The following ASIP variants were observed in gnomAD, a reference collection of about 807,000 sequenced individuals.
ASIP encodes the protein agouti signaling protein.
ASIP carries 11 observed loss-of-function variants against 10.3 expected under a neutral mutation model. That is an observed-to-expected ratio of 1.07 (90% CI 0.68 to 1.78). The LOEUF (loss-of-function observed/expected upper bound fraction) is 1.78. Ranked by LOEUF, ASIP falls within the 40% of genes most tolerant of loss-of-function variation. ASIP has a pLI of 0.00. For synonymous variants in ASIP, 70 were observed against 70.8 expected, an observed-to-expected ratio of 0.99 and a Z score of 0.06; for missense variants, 180 against 169.2, an observed-to-expected ratio of 1.06 and a Z score of -0.35.
At chr20:34,227,986 A>T (rs2035104500) in intron 1 of ASIP, among the ~76,000 whole-genome samples, 1 of 152,256 alleles carries the variant, frequency 6.6e-6, no homozygotes, top group African/African-American at 2.4e-5. Context: ...CCCACAAGGT[A>T]CAAAATATAA....
At chr20:34,258,873 C>CTATATATATAGTATTATATATATAGTGTA (rs1568769165) in intron 1 of ASIP, among the ~76,000 whole-genome samples, 7 of 99,700 alleles carry the variant, frequency 7.0e-5, no homozygotes, top group African/African-American at 3.9e-4. Context: ...ATATATAATA[C>CTATATATATAGTATTATATATATAGTGTA]TATATATATA....
intron 1 of ASIP, among the ~76,000 whole-genome samples, chr20:34,217,280 G>A (rs1300829736): frequency 6.6e-6 from 1 of 151,706 alleles, no homozygotes; most frequent in Non-Finnish European, 1.5e-5. Flanking sequence ...TCTACAAAAA[G>A]TACAAAAATT....
chr20:34,264,389 C>T (rs1423578256), intron 3 of ASIP, among the ~76,000 whole-genome samples: 1 of 152,146 alleles, frequency 6.6e-6, no homozygotes, highest in Non-Finnish European at 1.5e-5. Context: ...AGGAGTCTCA[C>T]CAGGAAATCA....
chr20:34,204,872 G>A (rs1231402800), intron 1 of ASIP, among the ~76,000 whole-genome samples: 2 of 151,934 alleles, frequency 1.3e-5, no homozygotes, highest in Non-Finnish European at 2.9e-5. Flanking sequence ...AATTTATGTG[G>A]TACATGTGAT....
At chr20:34,210,631 G>A (rs770414198) in intron 1 of ASIP, among the ~76,000 whole-genome samples, 4 of 152,172 alleles carry the variant, frequency 2.6e-5, no homozygotes, top group Admixed American at 1.3e-4. Flanking sequence ...TAAGACCAGC[G>A]GGCCTGAGCA....
intron 1 of ASIP, chr20:34,214,160 A>C: frequency 8.4e-7 from 1 of 1,196,660 alleles, no homozygotes; most frequent in Non-Finnish European, 1.3e-6. Flanking sequence ...CTTGTATTCT[A>C]TTCAAAATAT....
At chr20:34,264,645 C>T (rs1015517927) in intron 3 of ASIP, among the ~76,000 whole-genome samples, 2 of 152,074 alleles carry the variant, frequency 1.3e-5, no homozygotes, top group African/African-American at 4.8e-5. Flanking sequence ...GACAATACAT[C>T]TTGTAAACAG....
rs1568756757 is a variant in ASIP, at chr20:34,235,962, A to AGGGAGGGAGGGAAGAAGGAAGG, written c.-10-24403_-10-24402insGGGAGGGAGGGAAGAAGGAAGG. On this transcript the variant is annotated intron_variant, in intron 1 of 3. Transcript: ENST00000568305. Reference sequence around the variant, plus strand: ...GGAGGGAAGAAGGAAGGAAGGAAGGAAGGAGGGAGGGAGGGAAGAAGGAAA... The same window carrying AGGGAGGGAGGGAAGAAGGAAGG: ...GGAGGGAAGAAGGAAGGAAGGAAGGAGGGAGGGAGGGAAGAAGGAAGGAGGAGGGAGGGAGGGAAGAAGGAAA... 3.3e-4 allele frequency among the ~76,000 whole-genome samples: 28 copies of AGGGAGGGAGGGAAGAAGGAAGG among 83,852 alleles called. 3 individuals are homozygous for AGGGAGGGAGGGAAGAAGGAAGG. The African/African-American group carries it at 4.4e-3, about 13-fold the overall frequency. The allele number at this position is 83,852 out of a possible 152,430, so 55.0% of individuals were successfully genotyped here.
At chr20:34,250,030 C>A (rs2035447598) in intron 1 of ASIP, 1 of 152,324 alleles carries the variant, frequency 6.6e-6, no homozygotes, top group Non-Finnish European at 1.5e-5. Flanking sequence ...TGCAGTTGCT[C>A]CTCCATGCTG....
At chr20:34,199,482 TTGTC>T (rs1568743996) in intron 1 of ASIP, among the ~76,000 whole-genome samples, 1 of 152,242 alleles carries the variant, frequency 6.6e-6, no homozygotes, top group Non-Finnish European at 1.5e-5. Flanking sequence ...GTGGTTGGTA[TTGTC>T]TGTCTTTTAC....
intron 1 of ASIP, among the ~76,000 whole-genome samples, chr20:34,218,703 A>G (rs1014738047): frequency 6.6e-6 from 1 of 150,600 alleles, no homozygotes; most frequent in African/African-American, 2.5e-5. Context: ...TTTTTTTGAG[A>G]CCAGGCTGGA....
At chr20:34,215,505 G>C (rs2035001691) in intron 1 of ASIP, 1 of 1,532,160 alleles carries the variant, frequency 6.5e-7, no homozygotes, top group Non-Finnish European at 9.0e-7. Context: ...CCACTACTGA[G>C]AGAATGTCAA....
upstream of ASIP, among the ~76,000 whole-genome samples, chr20:34,240,064 A>G (rs999942273): frequency 6.6e-6 from 1 of 152,204 alleles, no homozygotes; most frequent in Non-Finnish European, 1.5e-5. Context: ...AGGAACAGAA[A>G]GAAGGTTGGG....
intron 1 of ASIP, among the ~76,000 whole-genome samples, chr20:34,255,659 C>CT (rs2035554840): frequency 6.6e-6 from 1 of 152,118 alleles, no homozygotes; most frequent in Non-Finnish European, 1.5e-5. Flanking sequence ...CAATTATAAC[C>CT]TAGGAAAAAC....
At chr20:34,234,788 TG>T (rs1362932848) in intron 1 of ASIP, 1 of 152,286 alleles carries the variant, frequency 6.6e-6, no homozygotes, top group Non-Finnish European at 1.5e-5. Flanking sequence ...TACTCCAGCC[TG>T]GGTGACAGAG....
chr20:34,191,314 CT>C (rs1439519904), upstream of ASIP, among the ~76,000 whole-genome samples: 1 of 152,184 alleles, frequency 6.6e-6, no homozygotes, highest in African/African-American at 2.4e-5. Context: ...CCTGTCACCC[CT>C]GGCGCTCTTT....
At chr20:34,224,159 G>A (rs1473964997) in intron 1 of ASIP, among the ~76,000 whole-genome samples, 3,278 of 130,256 alleles carry the variant, frequency 0.025, no homozygotes, top group African/African-American at 0.073. Context: ...TCCCTCCACT[G>A]TTGTCCCATG....
At chr20:34,224,515 A>G (rs2035079418) in intron 1 of ASIP, among the ~76,000 whole-genome samples, 1 of 152,034 alleles carries the variant, frequency 6.6e-6, no homozygotes, top group Non-Finnish European at 1.5e-5. Context: ...TAATCATCAT[A>G]ATATAGTTAT....
At chr20:34,199,929 T>TA (rs2034881952) in intron 1 of ASIP, among the ~76,000 whole-genome samples, 1 of 152,202 alleles carries the variant, frequency 6.6e-6, no homozygotes, top group Admixed American at 6.5e-5. Flanking sequence ...GTCACCCCCG[T>TA]AAAGAACTGT....
Sources: gnomAD v4.1 joint callset for allele counts (sites outside exome capture counted in the v4.1 genomes callset) on GRCh38, gnomAD v4.1.1 for gene constraint, MANE v1.5 for transcripts, NCBI Gene and HGNC (gene_info 2026-07-23, HGNC 2026-07-21) for gene names.